RASSF8: variants seen among roughly 807,000 people sequenced by gnomAD.
RASSF8 encodes the protein ras association domain-containing protein 8.
RASSF8 carries 22 observed loss-of-function variants against 48.5 expected under a neutral mutation model. The ratio of observed to expected loss-of-function variants is 0.45; its 90% CI spans 0.32 to 0.65. RASSF8 has a LOEUF of 0.65. Among genes scored for constraint, RASSF8 ranks in the 30% least tolerant of loss-of-function variants. RASSF8 has a pLI of 0.03. For synonymous variants in RASSF8, 127 were observed against 171.5 expected (o/e 0.74, Z 2.03); for missense variants, 418 against 489.2 (o/e 0.85, Z 1.37).
intron 1 of RASSF8, among the ~76,000 whole-genome samples, chr12:25,978,664 A>C (rs556280888): frequency 2.0e-5 from 3 of 152,136 alleles, no homozygotes; most frequent in African/African-American, 7.2e-5. Context: ...GATTGTATTC[A>C]AATGTGTACA....
intron 2 of RASSF8, among the ~76,000 whole-genome samples, chr12:26,022,876 G>A (rs543004971): frequency 6.6e-6 from 1 of 152,052 alleles, no homozygotes; most frequent in Non-Finnish European, 1.5e-5. Context: ...CGAGTAGCTG[G>A]GATTACAGGC....
In RASSF8 at chr12:26,071,488, C is replaced by G; in HGVS notation, c.*2670C>G. On this transcript the variant is annotated 3_prime_UTR_variant, in exon 6 of 6. Coordinates refer to ENST00000689635, the MANE Select transcript of RASSF8 (RefSeq NM_001394098.1). The stretch of plus-strand genomic sequence containing the variant: ...ACATTTAAAGATCTTTTTATCTTAC[C>G]AAGAAATAATTTGGAATAGCATTGG... 1 of 959,152 alleles carries G rather than the reference C, an allele frequency of 1.0e-6. No individual in the cohort carries two copies. Among genetic ancestry groups the G allele is most frequent in the Non-Finnish European group, 1.2e-6 (1 of 806,538 alleles). The allele number at this position is 959,152 out of a possible 1,614,324, so 59.4% of individuals were successfully genotyped here.
At chr12:26,066,524 T>A (rs1384049411) in intron 4 of RASSF8, among the ~76,000 whole-genome samples, 1 of 152,194 alleles carries the variant, frequency 6.6e-6, no homozygotes, top group Non-Finnish European at 1.5e-5. Flanking sequence ...CAGTAGAAGC[T>A]TGTCAGCCTC....
intron 2 of RASSF8, among the ~76,000 whole-genome samples, chr12:26,008,039 C>A (rs192319071): frequency 6.6e-6 from 1 of 152,190 alleles, no homozygotes; most frequent in East Asian, 1.9e-4. Flanking sequence ...TTTGGGAGGC[C>A]GAGGCGGGCA....
chr12:26,067,784 T>C (rs1943911863), intron 5 of RASSF8, 71 bp downstream of exon 5: 1 of 1,580,018 alleles, frequency 6.3e-7, no homozygotes, highest in African/African-American at 1.4e-5. Context: ...TTTTGTTTTT[T>C]GAGATAGTAT....
chr12:26,028,752 A>G (rs2251618), intron 2 of RASSF8, among the ~76,000 whole-genome samples: 57,895 of 151,890 alleles, frequency 0.38, 11,695 homozygotes, highest in Non-Finnish European at 0.45. Flanking sequence ...AGGTGCTATG[A>G]TGAATTAAAG....
At position 26,034,465 on chromosome 12, in the gene RASSF8, G is replaced by T. The variant is rs1025235863; in HGVS notation, c.-108-20771G>T. ...AAAGATTATGCATTTATGTTGGGCC[G>T]CATTTAAAGCCATCTGGGCCGCATG... On this transcript the variant is annotated intron_variant, in intron 2 of 5. Transcript: ENST00000689635. Among the ~76,000 whole-genome samples, 3 of 151,720 alleles carry T rather than the reference G, an allele frequency of 2.0e-5. No homozygotes were observed. In the South Asian group the frequency reaches 6.2e-4, roughly 32 times the overall value.
At chr12:25,976,477 AACTTC>A (rs1268176463) in intron 1 of RASSF8, among the ~76,000 whole-genome samples, 3 of 152,218 alleles carry the variant, frequency 2.0e-5, no homozygotes, top group Non-Finnish European at 4.4e-5. Flanking sequence ...TGACATTTGT[AACTTC>A]ACTTCAGCCT....
chr12:26,003,931 C>A (rs968374743), intron 2 of RASSF8, among the ~76,000 whole-genome samples: 2 of 152,072 alleles, frequency 1.3e-5, no homozygotes, highest in African/African-American at 2.4e-5. Context: ...AATCCTAGCA[C>A]TTTAGGAGGC....
At chr12:25,980,341 A>G (rs906661725) in intron 1 of RASSF8, among the ~76,000 whole-genome samples, 1 of 152,218 alleles carries the variant, frequency 6.6e-6, no homozygotes, top group East Asian at 1.9e-4. Context: ...CATATATACA[A>G]CAAAATGGTC....
rs761637471 is a variant in RASSF8 at position 26,051,307 on chromosome 12, G to A, written c.-108-3929G>A. On this transcript the variant is annotated intron_variant, in intron 2 of 5. Transcript: ENST00000689635. ...ACTTAAGTGTGTAATATTTGAGAGT[G>A]TTAAATCACTGGGCATGTGTGAATG... Among the ~76,000 whole-genome samples the A allele has an allele frequency of 1.8e-4, 27 of 152,282 alleles. 1 individual carries two copies. Among genetic ancestry groups the A allele is most frequent in the Non-Finnish European group, 3.2e-4 (22 of 68,014 alleles).
intron 2 of RASSF8, among the ~76,000 whole-genome samples, chr12:26,017,788 C>G (rs1422556681): frequency 6.6e-6 from 1 of 152,250 alleles, no homozygotes; most frequent in Non-Finnish European, 1.5e-5. Flanking sequence ...TTGCCCTTTC[C>G]TGTGTCTCAC....
chr12:25,989,947 G>A (rs971583544), intron 1 of RASSF8, among the ~76,000 whole-genome samples: 3 of 152,134 alleles, frequency 2.0e-5, no homozygotes, highest in African/African-American at 4.8e-5. Flanking sequence ...ACCTGAACCC[G>A]GGAAGGTACT....
At chr12:25,965,292 A>G (rs1341431139) in intron 1 of RASSF8, among the ~76,000 whole-genome samples, 1 of 151,872 alleles carries the variant, frequency 6.6e-6, no homozygotes, top group Non-Finnish European at 1.5e-5. Flanking sequence ...GCACATACCT[A>G]ACTGTACAAT....
In RASSF8 at chr12:26,032,829, A is replaced by G. The variant is rs538645299; in HGVS notation, c.-108-22407A>G. On this transcript the variant is annotated intron_variant, in intron 2 of 5. Transcript: ENST00000689635. ...GTCAACATAATTAAACAGCGTATGT[A>G]CACAATTGGCCCTGCTCCAAAACCA... Among the ~76,000 whole-genome samples, 7 of 152,326 alleles carry G rather than the reference A, an allele frequency of 4.6e-5. No individual in the cohort carries two copies. The East Asian group carries it at 1.3e-3, about 29-fold the overall frequency.
chr12:26,007,005 T>C (rs1388787372), intron 2 of RASSF8, among the ~76,000 whole-genome samples: 1 of 152,150 alleles, frequency 6.6e-6, no homozygotes, highest in Non-Finnish European at 1.5e-5. Context: ...TCAGGCTGCT[T>C]CCACTCATGG....
At chr12:25,994,104 A>C (rs1275225230) in intron 1 of RASSF8, among the ~76,000 whole-genome samples, 1 of 152,138 alleles carries the variant, frequency 6.6e-6, no homozygotes, top group East Asian at 1.9e-4. Context: ...GTGGTGTTTG[A>C]AATGTGTATG....
chr12:25,972,623 A>G (rs1941508990), intron 1 of RASSF8, among the ~76,000 whole-genome samples: 1 of 152,210 alleles, frequency 6.6e-6, no homozygotes, highest in South Asian at 2.1e-4. Flanking sequence ...AAATGAGAGA[A>G]TACAAGATTG....
chr12:25,960,591 T>G (rs770022641), intron 1 of RASSF8, among the ~76,000 whole-genome samples: 2 of 152,210 alleles, frequency 1.3e-5, no homozygotes, highest in African/African-American at 4.8e-5. Flanking sequence ...TGATGATTAT[T>G]CTATTCAAGG....
Sources: allele counts gnomAD v4.1 joint callset (sites outside exome capture counted in the v4.1 genomes callset), GRCh38; gene constraint gnomAD v4.1.1; transcripts MANE v1.5; gene names NCBI Gene and HGNC (gene_info 2026-07-23, HGNC 2026-07-21).